Variants in MAPK8IP3 observed in about 807,000 individuals in gnomAD.
MAPK8IP3 encodes the protein mitogen-activated protein kinase 8 interacting protein 3.
MAPK8IP3 carries 49 observed loss-of-function variants against 157.8 expected under a neutral mutation model. The ratio of observed to expected loss-of-function variants is 0.31; its 90% CI spans 0.25 to 0.39. MAPK8IP3 has a LOEUF of 0.39. Among genes scored for constraint, MAPK8IP3 ranks in the 10% least tolerant of loss-of-function variants. MAPK8IP3 has a pLI of 1.00. For synonymous variants in MAPK8IP3, 897 were observed against 777.7 expected, an observed-to-expected ratio of 1.15 and a Z score of -2.55; for missense variants, 1,478 against 1,889.4, an observed-to-expected ratio of 0.78 and a Z score of 4.04.
chr16:1,760,334 C>T (rs910467965), intron 11 of MAPK8IP3, 46 bp from the exon 12 acceptor site: 2 of 1,583,574 alleles, frequency 1.3e-6, no homozygotes, highest in Non-Finnish European at 1.7e-6. Context: ...CTTCACGTAC[C>T]TGTATGCCGC....
chr16:1,728,575 G>GC (rs945516205), intron 2 of MAPK8IP3, among the ~76,000 whole-genome samples: 29 of 146,250 alleles, frequency 2.0e-4, no homozygotes, highest in African/African-American at 7.7e-4. Flanking sequence ...ACACACAGCA[G>GC]CCCCCCAGAC....
Position 1,764,109 on chromosome 16 carries a change from C to G in MAPK8IP3, c.2026-6C>G. 6.2e-7 allele frequency: 1 copy of G among 1,604,932 alleles called. No individual in the cohort carries two copies. Among genetic ancestry groups the G allele is most frequent in the Non-Finnish European group, 8.5e-7 (1 of 1,176,028 alleles). ...CGTGCCCACGGCGCCTCCCTGCTCCCTGCAGCTGAGTCCCAACGGGGGCCA... is the reference window on the plus strand; with the variant it reads ...CGTGCCCACGGCGCCTCCCTGCTCCGTGCAGCTGAGTCCCAACGGGGGCCA... On this transcript the variant is annotated splice_polypyrimidine_tract_variant and splice_region_variant and intron_variant, in intron 17 of 31. Coordinates refer to ENST00000610761, the MANE Select transcript of MAPK8IP3 (RefSeq NM_001318852.2).
At chr16:1,736,220 G>C (rs1279184514) in intron 4 of MAPK8IP3, among the ~76,000 whole-genome samples, 28 of 108,932 alleles carry the variant, frequency 2.6e-4, no homozygotes, top group Admixed American at 5.5e-4. Flanking sequence ...ATCCGTGTGA[G>C]CGTCCGTGTA....
chr16:1,715,870 C>T (rs991419357), intron 1 of MAPK8IP3, among the ~76,000 whole-genome samples: 2 of 151,808 alleles, frequency 1.3e-5, no homozygotes, highest in East Asian at 3.9e-4. Flanking sequence ...GGATCACAGG[C>T]GCCCACCACC....
At position 1,768,074 on chromosome 16, in the gene MAPK8IP3, G is replaced by C; in HGVS notation, c.3529G>C (p.Val1177Leu). The C allele has an allele frequency of 6.2e-7, 1 of 1,612,378 alleles. No homozygotes were observed. The highest frequency in any genetic ancestry group is 2.2e-5 in the East Asian group (1 of 44,878). The change falls in exon 29 of 32, where the codon GTC becomes CTC. Residue 1177 changes from valine (V) to leucine (L), a missense_variant. Val to Leu is a conservative substitution (Grantham distance 32, BLOSUM62 1). Transcript: ENST00000610761. ...TGCTCCTCCCATGTCCCCAGCTGTG[G>C]TCCTGCACCGAGGCCAGCTCCTGGG... ...VISIPLTETVVLHRGQLLGLR... is the reference protein window; with the variant it reads ...VISIPLTETVLLHRGQLLGLR...
intron 4 of MAPK8IP3, among the ~76,000 whole-genome samples, chr16:1,730,136 CTG>C (rs1413396843): frequency 1.3e-5 from 2 of 151,768 alleles, no homozygotes; most frequent in Non-Finnish European, 2.9e-5. Context: ...AAATAACTAC[CTG>C]TAGTCCCAGC....
At chr16:1,733,813 C>G (rs908636053) in intron 4 of MAPK8IP3, among the ~76,000 whole-genome samples, 1 of 152,224 alleles carries the variant, frequency 6.6e-6, no homozygotes, top group Non-Finnish European at 1.5e-5. Flanking sequence ...GAAGAAGCCC[C>G]TCGATCATTT....
intron 5 of MAPK8IP3, chr16:1,744,095 T>C: frequency 1.0e-6 from 1 of 986,794 alleles, no homozygotes; most frequent in Non-Finnish European, 1.2e-6. Flanking sequence ...TGAGTGCACC[T>C]CAGAGCACAG....
At chr16:1,738,755 C>CCGTGTGAG (rs2040316661) in intron 4 of MAPK8IP3, among the ~76,000 whole-genome samples, 1 of 118,596 alleles carries the variant, frequency 8.4e-6, no homozygotes, top group African/African-American at 3.6e-5. Context: ...CTGTGACCGT[C>CCGTGTGAG]CGTGTGAGCG....
At chr16:1,738,723 G>GAA (rs1288400279) in intron 4 of MAPK8IP3, among the ~76,000 whole-genome samples, 4 of 136,704 alleles carry the variant, frequency 2.9e-5, no homozygotes, top group African/African-American at 1.1e-4. Flanking sequence ...ATCCGTGTGA[G>GAA]TGTGACCACC....
chr16:1,737,230 G>A (rs1321814228), intron 4 of MAPK8IP3, among the ~76,000 whole-genome samples: 1 of 101,342 alleles, frequency 9.9e-6, no homozygotes, highest in Non-Finnish European at 1.9e-5. Context: ...GACCATCCAT[G>A]TAAGCATCCG....
chr16:1,753,169 A>G (rs561795992), intron 8 of MAPK8IP3, among the ~76,000 whole-genome samples: 42 of 152,340 alleles, frequency 2.8e-4, no homozygotes, highest in African/African-American at 1.0e-3. Flanking sequence ...CACCTCTCTC[A>G]GCATTTTTAC....
At position 1,764,578 on chromosome 16, in the gene MAPK8IP3, G is replaced by T. The variant is rs531747874; in HGVS notation, c.2280+119G>T. 3.0e-5 allele frequency: 41 copies of T among 1,349,652 alleles called. No homozygotes were observed. The African/African-American group carries it at 5.4e-4, about 18-fold the overall frequency. 83.6% of individuals were successfully genotyped at this position (1,349,652 alleles called of 1,614,324 possible). ...GGGGACAGCACCCGGAAGCAGGGCA[G>T]CGCAGGGGCTCCTAGACTGCGGGAA... On this transcript the variant is annotated intron_variant, in intron 19 of 31. Transcript: ENST00000610761.
At chr16:1,762,762 A>G in intron 15 of MAPK8IP3, 31 bp downstream of exon 15, 1 of 1,587,016 alleles carries the variant, frequency 6.3e-7, no homozygotes, top group Non-Finnish European at 8.6e-7. Context: ...GGATGTGGGC[A>G]GCAGCTGCAG....
intron 4 of MAPK8IP3, among the ~76,000 whole-genome samples, chr16:1,734,130 C>T (rs779449596): frequency 1.2e-4 from 18 of 152,252 alleles, no homozygotes; most frequent in African/African-American, 3.4e-4. Flanking sequence ...GTGGGGTCTG[C>T]GCAGCTACAT....
intron 8 of MAPK8IP3, chr16:1,752,370 C>T: frequency 4.0e-6 from 1 of 252,960 alleles, no homozygotes; most frequent in South Asian, 3.1e-5. Context: ...TCGCCGAGCT[C>T]AGGCTGGCAC....
At position 1,710,488 on chromosome 16, in the gene MAPK8IP3, GATAAAA is replaced by G. The variant is rs1468952083; in HGVS notation, c.318+3837_318+3842del. Among the ~76,000 whole-genome samples, 3 of 151,880 alleles carry G rather than the reference GATAAAA, an allele frequency of 2.0e-5. No individual in the cohort carries two copies. Among genetic ancestry groups the G allele is most frequent in the African/African-American group, 7.3e-5 (3 of 41,338 alleles). On this transcript the variant is annotated intron_variant, in intron 1 of 31. Coordinates refer to ENST00000610761, the MANE Select transcript of MAPK8IP3 (RefSeq NM_001318852.2). This position sits in a 1 kb window ranked among gnomAD's most constrained non-coding sequence, Gnocchi z 4.1. ...GACTCTGTCTCAAAATAAATAAATA[GATAAAA>G]ATAAATAAATAAATGTCATCCATTT...
Position 1,764,317 on chromosome 16 carries a change from GCGTCAA to G in MAPK8IP3, c.2140_2145del (p.Val714_Asn715del), listed in dbSNP as rs1275410465. On this transcript the variant is annotated inframe_deletion, in exon 19 of 32. Transcript: ENST00000610761. Reference sequence around the variant, plus strand: ...CCCTTGCAGCTGTGGTGTGCCGCGGGCGTCAACCTGAGCGGGTGGAGGCCCAATGAG... The same window carrying G: ...CCCTTGCAGCTGTGGTGTGCCGCGGGCCTGAGCGGGTGGAGGCCCAATGAG... 6.3e-7 allele frequency: 1 copy of G among 1,576,284 alleles called. No homozygotes were observed. Among genetic ancestry groups the G allele is most frequent in the Middle Eastern group, 1.8e-4 (1 of 5,592 alleles).
chr16:1,726,748 G>C (rs1176295805), intron 2 of MAPK8IP3, among the ~76,000 whole-genome samples: 1 of 152,234 alleles, frequency 6.6e-6, no homozygotes, highest in African/African-American at 2.4e-5. Flanking sequence ...TGAGTGCAGA[G>C]AGCAGGCCCC....
Sources: allele counts gnomAD v4.1 joint callset (sites outside exome capture counted in the v4.1 genomes callset), GRCh38; gene constraint gnomAD v4.1.1; non-coding constraint Gnocchi (gnomAD v3.1); transcripts MANE v1.5; gene names NCBI Gene and HGNC (gene_info 2026-07-23, HGNC 2026-07-21).